The following GALNT13 variants were observed in gnomAD, a reference collection of about 807,000 sequenced individuals.
GALNT13 encodes the protein polypeptide N-acetylgalactosaminyltransferase 13.
In GALNT13, 28 loss-of-function variants were observed where a neutral mutation model predicts 64.2. That is an observed-to-expected ratio of 0.44 (90% CI 0.32 to 0.60). The LOEUF (loss-of-function observed/expected upper bound fraction) is 0.60. GALNT13 is among the 20% of genes least tolerant of loss of function. The pLI is 0.05. For synonymous variants in GALNT13, 214 were observed against 224.6 expected (o/e 0.95, Z 0.42); for missense variants, 577 against 669.8 (o/e 0.86, Z 1.53).
chr2:153,573,063 A>T, the GALNT13 span, among the ~76,000 whole-genome samples: 1 of 151,996 alleles, frequency 6.6e-6, no homozygotes, highest in East Asian at 1.9e-4. Flanking sequence ...CTATTATTGT[A>T]TTTTGGTTTA....
chr2:153,174,767 T>G, the GALNT13 span, among the ~76,000 whole-genome samples: 1 of 152,148 alleles, frequency 6.6e-6, no homozygotes, highest in Non-Finnish European at 1.5e-5. Flanking sequence ...AGTAACATGT[T>G]TTTCATTTCT....
chr2:154,016,729 C>T (rs1697034176), intron 3 of GALNT13, among the ~76,000 whole-genome samples: 1 of 152,048 alleles, frequency 6.6e-6, no homozygotes, highest in East Asian at 1.9e-4. Context: ...ATTGTTAAAT[C>T]AACAAATCAA....
intron 8 of GALNT13, chr2:154,287,503 C>T (rs1194680101): frequency 1.0e-5 from 3 of 290,572 alleles, no homozygotes; most frequent in African/African-American, 6.4e-5. Flanking sequence ...CTTTTGCCCC[C>T]ACCCCAGATT....
intron 6 of GALNT13, among the ~76,000 whole-genome samples, chr2:154,243,954 A>G (rs1480353824): frequency 6.6e-6 from 1 of 152,234 alleles, no homozygotes; most frequent in Non-Finnish European, 1.5e-5. Context: ...AGAAAGCAGT[A>G]GGAACCTTTT....
chr2:153,602,539 G>A, the GALNT13 span, among the ~76,000 whole-genome samples: 1 of 151,758 alleles, frequency 6.6e-6, no homozygotes, highest in East Asian at 1.9e-4. Flanking sequence ...ATACGGGCAA[G>A]ACGTTTTAAG....
chr2:153,879,714 A>G (rs931203965), intron 1 of GALNT13, among the ~76,000 whole-genome samples: 2 of 152,126 alleles, frequency 1.3e-5, no homozygotes, highest in South Asian at 2.1e-4. Context: ...AATTGAAAAC[A>G]GAACACAGAT....
At chr2:153,196,123 T>G in the GALNT13 span, among the ~76,000 whole-genome samples, 2 of 152,118 alleles carry the variant, frequency 1.3e-5, no homozygotes, top group African/African-American at 4.8e-5. Context: ...GTACCACAAG[T>G]TCCCACTCCG....
chr2:154,185,689 A>T (rs1048130032), intron 4 of GALNT13, among the ~76,000 whole-genome samples: 2 of 151,670 alleles, frequency 1.3e-5, no homozygotes, highest in African/African-American at 4.8e-5. Flanking sequence ...CAGAATTTCT[A>T]TTTTTTTATA....
chr2:153,189,541 A>G, the GALNT13 span, among the ~76,000 whole-genome samples: 11 of 152,276 alleles, frequency 7.2e-5, no homozygotes, highest in East Asian at 1.9e-3. Context: ...GGCAATTGTG[A>G]ATAGTGTTAT....
the GALNT13 span, among the ~76,000 whole-genome samples, chr2:153,136,198 C>T: frequency 6.6e-6 from 1 of 152,186 alleles, no homozygotes; most frequent in Non-Finnish European, 1.5e-5. Flanking sequence ...CATACAATTA[C>T]CTTGCTTTAG....
chr2:153,148,586 G>A, the GALNT13 span, among the ~76,000 whole-genome samples: 1 of 151,220 alleles, frequency 6.6e-6, no homozygotes, highest in African/African-American at 2.4e-5. Context: ...TAGTGTGTAA[G>A]GTGTATTCAT....
intron 4 of GALNT13, among the ~76,000 whole-genome samples, chr2:154,216,864 C>T (rs1221393404): frequency 5.5e-5 from 7 of 127,382 alleles, no homozygotes; most frequent in African/African-American, 2.1e-4. Context: ...GGCACAAGTG[C>T]AGTGGCATGA....
the GALNT13 span, among the ~76,000 whole-genome samples, chr2:153,863,853 T>C: frequency 6.6e-6 from 1 of 152,178 alleles, no homozygotes; most frequent in South Asian, 2.1e-4. Flanking sequence ...GGTATGACCA[T>C]ATGGTATATG....
intron 3 of GALNT13, among the ~76,000 whole-genome samples, chr2:154,068,666 A>G (rs2105383866): frequency 6.6e-6 from 1 of 152,160 alleles, no homozygotes. Context: ...TGTGAGAGCT[A>G]AAAATTACAA....
upstream of GALNT13, among the ~76,000 whole-genome samples, chr2:153,869,656 G>A (rs1472809594): frequency 6.6e-6 from 1 of 152,086 alleles, no homozygotes; most frequent in Non-Finnish European, 1.5e-5. Flanking sequence ...TGGTCAGTTG[G>A]TTAAGGTGAT....
the GALNT13 span, among the ~76,000 whole-genome samples, chr2:153,598,821 G>C: frequency 2.6e-5 from 4 of 152,058 alleles, no homozygotes; most frequent in Non-Finnish European, 5.9e-5. Context: ...GGCAGAAAGA[G>C]GGTTTTATTC....
chr2:154,345,510 A>G lies in GALNT13; in HGVS notation c.1156+43921A>G, dbSNP rs115673077. Among the ~76,000 whole-genome samples the G allele has an allele frequency of 7.8e-3, 1,183 of 152,166 alleles. 13 individuals are homozygous for G. The highest frequency in any genetic ancestry group is 0.027 in the African/African-American group (1,125 of 41,550). ...GCTTCTGAGTGCGTAAAATGTGCCT[A>G]GATTGATTAAAGAACTGAGTTTTAA... On this transcript the variant is annotated intron_variant, in intron 9 of 12. Coordinates refer to ENST00000392825, the MANE Select transcript of GALNT13 (RefSeq NM_052917.4).
At chr2:154,153,670 C>T (rs1481530022) in intron 4 of GALNT13, among the ~76,000 whole-genome samples, 1 of 152,202 alleles carries the variant, frequency 6.6e-6, no homozygotes, top group Non-Finnish European at 1.5e-5. Flanking sequence ...TGCCACTTTG[C>T]AGTTTGATCT....
intron 3 of GALNT13, among the ~76,000 whole-genome samples, chr2:154,043,414 TTATATATATATATATATATATATA>T (rs1179722579): frequency 3.8e-4 from 30 of 78,272 alleles, no homozygotes; most frequent in African/African-American, 1.5e-3. Flanking sequence ...ATAAGGACTT[TTATATATATATATATATATATATA>T]TATATATATA....
Sources: gnomAD v4.1 joint callset for allele counts (sites outside exome capture counted in the v4.1 genomes callset) on GRCh38, gnomAD v4.1.1 for gene constraint, MANE v1.5 for transcripts, NCBI Gene and HGNC (gene_info 2026-07-23, HGNC 2026-07-21) for gene names.